The following TCF12 variants were observed in gnomAD, a reference collection of about 807,000 sequenced individuals.
TCF12 encodes DNA-binding protein HTF4.
Under a neutral mutation model 86.0 loss-of-function variants are expected in TCF12, and 45 were observed. That is an observed-to-expected ratio of 0.52 (90% CI 0.41 to 0.67). The LOEUF (loss-of-function observed/expected upper bound fraction) is 0.67, where lower values mean the gene tolerates loss of function less well. Ranked by LOEUF, TCF12 falls within the 30% of genes least tolerant of loss-of-function variation. TCF12 has a pLI of 0.00. For missense variants in TCF12, 881 were observed against 859.9 expected (o/e 1.02, Z -0.31); for synonymous variants, 330 against 299.6 (o/e 1.10, Z -1.05).
chr15:57,235,099 T>A (rs2059325408), intron 12 of TCF12, among the ~76,000 whole-genome samples: 1 of 152,218 alleles, frequency 6.6e-6, no homozygotes, highest in Admixed American at 6.5e-5. Flanking sequence ...TGAAGCCAAG[T>A]CAGACTCATT....
At chr15:56,935,898 A>G (rs1038077178) in intron 3 of TCF12, among the ~76,000 whole-genome samples, 1 of 152,162 alleles carries the variant, frequency 6.6e-6, no homozygotes, top group Non-Finnish European at 1.5e-5. Flanking sequence ...CCACTAGTTG[A>G]TAGATGAGCA....
intron 18 of TCF12, among the ~76,000 whole-genome samples, chr15:57,266,919 C>T (rs1463190008): frequency 6.6e-6 from 1 of 152,154 alleles, no homozygotes; most frequent in Non-Finnish European, 1.5e-5. Context: ...GTCCCAGCTA[C>T]TTGGGAGGGT....
intron 6 of TCF12, 152 bp from the exon 7 acceptor site, chr15:57,192,006 G>A (rs908787853): frequency 4.0e-6 from 3 of 754,366 alleles, no homozygotes; most frequent in African/African-American, 1.8e-5. Context: ...TGGGCTGAAA[G>A]CAGTGGTCTA....
intron 5 of TCF12, among the ~76,000 whole-genome samples, chr15:57,164,989 A>G (rs543222201): frequency 4.6e-5 from 7 of 152,142 alleles, no homozygotes; most frequent in Non-Finnish European, 1.0e-4. Flanking sequence ...CCACAGCAAG[A>G]ATTCTTACAT....
chr15:57,004,121 T>C (rs981595394), intron 3 of TCF12, among the ~76,000 whole-genome samples: 1 of 152,232 alleles, frequency 6.6e-6, no homozygotes, highest in African/African-American at 2.4e-5. Context: ...TTTGCTTTTT[T>C]CATATAATTA....
chr15:57,210,913 C>G (rs960287929), intron 8 of TCF12, among the ~76,000 whole-genome samples: 2 of 152,156 alleles, frequency 1.3e-5, no homozygotes, highest in Non-Finnish European at 2.9e-5. Context: ...AGAAACAAGT[C>G]ATAGATGGGC....
intron 3 of TCF12, among the ~76,000 whole-genome samples, chr15:57,009,568 G>A (rs1357741506): frequency 6.6e-6 from 1 of 152,156 alleles, no homozygotes. Flanking sequence ...CCATTAGAAA[G>A]CATTTATTGA....
At chr15:57,168,099 C>G (rs1455500256) in intron 6 of TCF12, among the ~76,000 whole-genome samples, 2 of 152,158 alleles carry the variant, frequency 1.3e-5, no homozygotes, top group African/African-American at 4.8e-5. Flanking sequence ...ATCACTTCAG[C>G]TCAGTAGTAC....
Position 56,934,335 on chromosome 15 carries a change from C to T in TCF12, c.148+13237C>T, listed in dbSNP as rs189689934. Reference sequence around the variant, plus strand: ...AATTTTAGTGACACTAAAGAGTTAACGTTTTAAAGAGTTAAAAAGTTCAGA... The same window carrying T: ...AATTTTAGTGACACTAAAGAGTTAATGTTTTAAAGAGTTAAAAAGTTCAGA... On this transcript the variant is annotated intron_variant, in intron 3 of 20. Coordinates refer to ENST00000333725, the MANE Select transcript of TCF12 (RefSeq NM_207037.2). 1.2e-4 allele frequency among the ~76,000 whole-genome samples: 18 copies of T among 152,234 alleles called. No individual in the cohort carries two copies. In the East Asian group the frequency reaches 2.9e-3, roughly 24 times the overall value.
At chr15:57,218,482 T>A (rs747320193) in intron 8 of TCF12, among the ~76,000 whole-genome samples, 8 of 152,248 alleles carry the variant, frequency 5.3e-5, no homozygotes, top group Non-Finnish European at 1.0e-4. Context: ...GAGTTAGAAA[T>A]GTCTGTAAGA....
chr15:57,079,644 T>G (rs1262953774), intron 4 of TCF12, among the ~76,000 whole-genome samples: 1 of 152,148 alleles, frequency 6.6e-6, no homozygotes, highest in Non-Finnish European at 1.5e-5. Flanking sequence ...CTCAAACTGG[T>G]GAATGAGTAG....
At chr15:57,056,263 C>T (rs1290129312) in intron 3 of TCF12, among the ~76,000 whole-genome samples, 3 of 151,874 alleles carry the variant, frequency 2.0e-5, no homozygotes, top group South Asian at 2.1e-4. Flanking sequence ...GCCTCAGCCT[C>T]CTGAGTAGCT....
intron 13 of TCF12, chr15:57,247,456 T>G: frequency 2.8e-6 from 2 of 714,176 alleles, no homozygotes; most frequent in South Asian, 1.4e-5. Context: ...GGGCCTTTTT[T>G]ACTTCACAGT....
At chr15:56,942,271 AAC>A (rs1438871143) in intron 3 of TCF12, among the ~76,000 whole-genome samples, 1 of 152,204 alleles carries the variant, frequency 6.6e-6, no homozygotes, top group East Asian at 1.9e-4. Context: ...TATGTTTGTA[AAC>A]ACATTTCAAA....
At chr15:57,245,762 G>C (rs1203842587) in intron 13 of TCF12, among the ~76,000 whole-genome samples, 1 of 152,170 alleles carries the variant, frequency 6.6e-6, no homozygotes, top group African/African-American at 2.4e-5. Flanking sequence ...AATTCAGGTT[G>C]TTAATGAAAA....
chr15:57,161,954 T>TA (rs2054534243), intron 5 of TCF12, among the ~76,000 whole-genome samples: 1 of 152,192 alleles, frequency 6.6e-6, no homozygotes, highest in African/African-American at 2.4e-5. Flanking sequence ...TTAAAATACT[T>TA]ACATTTTGTT....
In TCF12 at chr15:57,281,495, C is replaced by T. The variant is rs565114423; in HGVS notation, c.1979-950C>T. On this transcript the variant is annotated intron_variant, in intron 19 of 20. Transcript: ENST00000333725. ...ACGGACCAGTACCAGTGGCCTGTTA[C>T]GAACGAACGGGCTGGCTGCACCGCA... is the stretch of plus-strand genomic sequence containing the variant. 5.3e-5 allele frequency among the ~76,000 whole-genome samples: 8 copies of T among 152,274 alleles called. No individual in the cohort carries two copies. In the East Asian group the frequency reaches 1.5e-3, roughly 29 times the overall value.
At chr15:57,155,487 G>T (rs2054052034) in intron 5 of TCF12, among the ~76,000 whole-genome samples, 1 of 152,106 alleles carries the variant, frequency 6.6e-6, no homozygotes, top group African/African-American at 2.4e-5. Flanking sequence ...TCCTCATGTA[G>T]CAAGAACCAT....
intron 3 of TCF12, among the ~76,000 whole-genome samples, chr15:57,023,701 A>G (rs2065637657): frequency 6.6e-6 from 1 of 152,218 alleles, no homozygotes; most frequent in Non-Finnish European, 1.5e-5. Flanking sequence ...AGAAAACAAT[A>G]AATTGGAGAA....
Sources: allele counts gnomAD v4.1 joint callset (sites outside exome capture counted in the v4.1 genomes callset), GRCh38; gene constraint gnomAD v4.1.1; transcripts MANE v1.5; gene names NCBI Gene and HGNC (gene_info 2026-07-23, HGNC 2026-07-21).